Variants in MYT1L observed in about 807,000 individuals in gnomAD.
MYT1L encodes myelin transcription factor 1 like, also known as myelin transcription factor 1-like protein.
A neutral mutation model predicts 126.7 loss-of-function variants in MYT1L; 12 were observed. The observed-to-expected ratio is 0.09, with a 90% CI of 0.06 to 0.15. MYT1L has a LOEUF of 0.15. Ranked by LOEUF, MYT1L falls within the 10% of genes least tolerant of loss-of-function variation. The probability of loss-of-function intolerance (pLI) is 1.00; values close to 1 mark genes in which losing one functional copy is unlikely to be tolerated. For synonymous variants in MYT1L, 541 were observed against 604.2 expected, an observed-to-expected ratio of 0.90 and a Z score of 1.53; for missense variants, 979 against 1,585.2, an observed-to-expected ratio of 0.62 and a Z score of 6.49.
At chr2:2,011,206 C>A (rs550794536) in intron 4 of MYT1L, among the ~76,000 whole-genome samples, 1 of 151,984 alleles carries the variant, frequency 6.6e-6, no homozygotes, top group Non-Finnish European at 1.5e-5. Context: ...CTGGCCAACA[C>A]GGCAAAACCC....
intron 3 of MYT1L, among the ~76,000 whole-genome samples, chr2:2,152,247 G>A (rs1351703283): frequency 6.6e-6 from 1 of 152,232 alleles, no homozygotes; most frequent in Non-Finnish European, 1.5e-5. Flanking sequence ...TAGCCCACAG[G>A]GCGTGCACAC....
At chr2:2,280,268 G>A (rs2149396021) in intron 2 of MYT1L, among the ~76,000 whole-genome samples, 1 of 152,284 alleles carries the variant, frequency 6.6e-6, no homozygotes, top group East Asian at 1.9e-4. Flanking sequence ...ACACTAGTTA[G>A]GCATTGCATA....
chr2:2,094,758 A>ACC (rs2077255688), intron 3 of MYT1L, among the ~76,000 whole-genome samples: 1 of 117,182 alleles, frequency 8.5e-6, no homozygotes, highest in African/African-American at 3.3e-5. Flanking sequence ...AACATCACAC[A>ACC]CCGGGGCCTG....
At chr2:2,048,984 A>G (rs1452950875) in intron 4 of MYT1L, among the ~76,000 whole-genome samples, 1 of 152,192 alleles carries the variant, frequency 6.6e-6, no homozygotes, top group Non-Finnish European at 1.5e-5. Flanking sequence ...AAGCTCAAAC[A>G]ATTTTATTTA....
rs2241686 is a variant in MYT1L at position 1,922,845 on chromosome 2, G to A, written c.924C>T (p.Asn308=). The A allele has an allele frequency of 0.02, 31,960 of 1,613,942 alleles. 664 individuals are homozygous for A. Among genetic ancestry groups the A allele is most frequent in the South Asian group, 0.081 (7,369 of 91,068 alleles). ...CCTCCACCATCTTTTCCATGAGTCC[G>A]TTGTTCATGGGCTTCCCCAACATGA... is the stretch of plus-strand genomic sequence containing the variant. The part of the protein sequence containing the change: ...NYVMLGKPMN[N]GLMEKMVEES... Residue 308 remains asparagine, a synonymous_variant, in exon 10 of 25, where the codon AAC becomes AAT. Transcript: ENST00000647738. The surrounding 1 kb of genome is among the most constrained non-coding windows in gnomAD (Gnocchi z 7.4).
chr2:1,850,154 C>T (rs1190870012), intron 19 of MYT1L, among the ~76,000 whole-genome samples: 1 of 140,350 alleles, frequency 7.1e-6, no homozygotes, highest in African/African-American at 2.8e-5. Context: ...CCTTTCCTTC[C>T]CCTTCCCTTC....
chr2:1,959,447 T>C (rs908162223), intron 8 of MYT1L, among the ~76,000 whole-genome samples: 2 of 152,206 alleles, frequency 1.3e-5, no homozygotes, highest in African/African-American at 4.8e-5. Flanking sequence ...GTCCAGCATC[T>C]GGTACATCTG....
chr2:2,321,554 G>C (rs1363704513), intron 1 of MYT1L, among the ~76,000 whole-genome samples: 1 of 152,068 alleles, frequency 6.6e-6, no homozygotes, highest in Non-Finnish European at 1.5e-5. Flanking sequence ...GTAGCCCCTG[G>C]AGTCAAGAGG....
intron 23 of MYT1L, among the ~76,000 whole-genome samples, chr2:1,797,998 C>T (rs2034029516): frequency 1.7e-5 from 1 of 60,462 alleles, no homozygotes; most frequent in African/African-American, 7.3e-5. Flanking sequence ...CCCCATCCGG[C>T]ACAGGCGCGG....
intron 21 of MYT1L, among the ~76,000 whole-genome samples, chr2:1,813,226 C>G (rs936781023): frequency 1.6e-4 from 25 of 152,300 alleles, no homozygotes; most frequent in Admixed American, 2.6e-4. Context: ...TCCTCCTTGC[C>G]GTCCTCCCAG....
intron 3 of MYT1L, among the ~76,000 whole-genome samples, chr2:2,071,487 A>C (rs559223166): frequency 2.6e-5 from 4 of 152,218 alleles, no homozygotes; most frequent in Non-Finnish European, 1.5e-5. Flanking sequence ...ACAATACGAT[A>C]AATGTCCTTA....
chr2:1,939,143 C>T (rs1459555417), intron 9 of MYT1L, among the ~76,000 whole-genome samples: 3 of 152,226 alleles, frequency 2.0e-5, no homozygotes, highest in Non-Finnish European at 2.9e-5. Flanking sequence ...TGCACTCAGA[C>T]GGCCACCCTG....
In MYT1L at chr2:1,801,422, C is replaced by T. The variant is rs2034840073; in HGVS notation, c.3276+274G>A. 2.7e-5 allele frequency: 9 copies of T among 332,148 alleles called. No individual in the cohort carries two copies. The highest frequency in any genetic ancestry group is 1.4e-4 in the Admixed American group (3 of 20,700). 20.6% of individuals were successfully genotyped at this position (332,148 alleles called of 1,614,324 possible). ...AACCTTCATTGTTTGCAGGAACAGG[C>T]GATCCTCTGAAAATGCCTATTCACA... On this transcript the variant is annotated intron_variant, in intron 23 of 24. Coordinates refer to ENST00000647738, the MANE Select transcript of MYT1L (RefSeq NM_001303052.2). The surrounding 1 kb of genome is among the most constrained non-coding windows in gnomAD (Gnocchi z 4.2).
intron 2 of MYT1L, among the ~76,000 whole-genome samples, chr2:2,199,405 G>A (rs2148812997): frequency 6.6e-6 from 1 of 152,338 alleles, no homozygotes; most frequent in Middle Eastern, 3.4e-3. Context: ...CATAAGGGAT[G>A]GTGTAGACTG....
chr2:1,933,424 C>G (rs765141552), intron 9 of MYT1L, among the ~76,000 whole-genome samples: 6 of 152,216 alleles, frequency 3.9e-5, no homozygotes, highest in Non-Finnish European at 8.8e-5. Context: ...GTGAGGATGC[C>G]TTGGCTTCAA....
chr2:2,252,339 C>T (rs1031540204), intron 2 of MYT1L, among the ~76,000 whole-genome samples: 2 of 152,184 alleles, frequency 1.3e-5, no homozygotes, highest in Middle Eastern at 3.2e-3. Context: ...CCCATGGCCT[C>T]TTTCTGAACC....
chr2:1,877,392 A>AT (rs3841089), intron 18 of MYT1L, among the ~76,000 whole-genome samples: 55,287 of 151,840 alleles, frequency 0.36, 11,939 homozygotes, highest in African/African-American at 0.61. Flanking sequence ...GTTTATACAT[A>AT]TTTTTTCTTT....
At chr2:2,038,030 C>A (rs2067081279) in intron 4 of MYT1L, among the ~76,000 whole-genome samples, 1 of 152,122 alleles carries the variant, frequency 6.6e-6, no homozygotes, top group South Asian at 2.1e-4. Context: ...AGAGGAGGAG[C>A]TATGTCTTGG....
In MYT1L at chr2:2,259,266, G is replaced by A. The variant is rs1185822032; in HGVS notation, c.-421+25138C>T. The stretch of plus-strand genomic sequence containing the variant: ...TGGTGGGGTCGGGGGAGGGGGGAGG[G>A]ATAGCATTGGGAGATATACCTAATG... On this transcript the variant is annotated intron_variant, in intron 2 of 24. Coordinates refer to ENST00000647738, the MANE Select transcript of MYT1L (RefSeq NM_001303052.2). Among the ~76,000 whole-genome samples, 430 of 109,372 alleles carry A rather than the reference G, an allele frequency of 3.9e-3. 2 individuals are homozygous for A. The highest frequency in any genetic ancestry group is 6.4e-3 in the Non-Finnish European group (355 of 55,660). The allele number at this position is 109,372 out of a possible 152,430, so 71.8% of individuals were successfully genotyped here.
Sources: gnomAD v4.1 joint callset for allele counts (sites outside exome capture counted in the v4.1 genomes callset) on GRCh38, gnomAD v4.1.1 for gene constraint, Gnocchi (gnomAD v3.1) non-coding constraint, MANE v1.5 for transcripts, NCBI Gene and HGNC (gene_info 2026-07-23, HGNC 2026-07-21) for gene names.